SOX6: variants seen among roughly 807,000 people sequenced by gnomAD.
The protein encoded by SOX6 is transcription factor SOX-6.
A neutral mutation model predicts 97.8 loss-of-function variants in SOX6; 11 were observed. That is an observed-to-expected ratio of 0.11 (90% confidence interval 0.07 to 0.19). The LOEUF (loss-of-function observed/expected upper bound fraction) is 0.19, where lower values mean the gene tolerates loss of function less well. SOX6 is among the 10% of genes least tolerant of loss of function. The pLI, the probability that SOX6 is intolerant of heterozygous loss-of-function variation, is 1.00. For synonymous variants in SOX6, 360 were observed against 371.4 expected (o/e 0.97, Z 0.35); for missense variants, 810 against 1,039.5 (o/e 0.78, Z 3.04).
At chr11:16,104,649 T>TAC (rs146505312) in intron 7 of SOX6, among the ~76,000 whole-genome samples, 98 of 149,832 alleles carry the variant, frequency 6.5e-4, no homozygotes, top group South Asian at 1.3e-3. Flanking sequence ...ATTACACACA[T>TAC]ACACACACAC....
intron 13 of SOX6, among the ~76,000 whole-genome samples, chr11:16,011,867 G>A (rs1213841620): frequency 5.3e-5 from 8 of 152,152 alleles, no homozygotes; most frequent in East Asian, 1.9e-4. Flanking sequence ...AACTCAGCCC[G>A]GCTAAGGAGC....
At chr11:16,016,271 T>C (rs1446137247) in intron 12 of SOX6, among the ~76,000 whole-genome samples, 3 of 152,072 alleles carry the variant, frequency 2.0e-5, no homozygotes, top group African/African-American at 7.2e-5. Flanking sequence ...TTCCCATCAG[T>C]CAAATTGTGC....
chr11:16,581,500 G>C (rs1373388287), intron 4 of SOX6, among the ~76,000 whole-genome samples: 1 of 152,128 alleles, frequency 6.6e-6, no homozygotes, highest in African/African-American at 2.4e-5. Flanking sequence ...TGCATGAAGG[G>C]CTTAAAACCT....
At chr11:16,147,680 C>T (rs1056890210) in intron 6 of SOX6, among the ~76,000 whole-genome samples, 1 of 152,012 alleles carries the variant, frequency 6.6e-6, no homozygotes, top group South Asian at 2.1e-4. Flanking sequence ...AAATGAACAC[C>T]GAAATTTCCT....
intron 4 of SOX6, among the ~76,000 whole-genome samples, chr11:16,485,686 T>C (rs929858560): frequency 4.0e-5 from 6 of 148,980 alleles, no homozygotes; most frequent in African/African-American, 1.5e-4. Flanking sequence ...AGCCGAGATC[T>C]TGCCACTGCA....
chr11:16,276,415 A>G (rs566725735), intron 3 of SOX6, among the ~76,000 whole-genome samples: 1 of 152,186 alleles, frequency 6.6e-6, no homozygotes, highest in Non-Finnish European at 1.5e-5. Context: ...AAACATTTGC[A>G]TTACTAGTCT....
At chr11:16,019,406 G>A (rs1241300439) in intron 12 of SOX6, among the ~76,000 whole-genome samples, 5 of 151,984 alleles carry the variant, frequency 3.3e-5, no homozygotes, top group South Asian at 2.1e-4. Flanking sequence ...GATCATTCAC[G>A]GCAGCCATGG....
chr11:16,386,989 C>T (rs557819491), intron 1 of SOX6, among the ~76,000 whole-genome samples: 7 of 152,202 alleles, frequency 4.6e-5, no homozygotes, highest in South Asian at 2.1e-4. Context: ...AGGTAAAAGG[C>T]ATTCATTAAT....
chr11:16,000,384 G>A (rs578070655), intron 13 of SOX6, among the ~76,000 whole-genome samples: 3 of 152,270 alleles, frequency 2.0e-5, no homozygotes, highest in South Asian at 4.1e-4. Context: ...TTACCTAGAT[G>A]TATTAGCAAA....
intron 10 of SOX6, among the ~76,000 whole-genome samples, chr11:16,053,466 G>T (rs79552670): frequency 0.012 from 1,838 of 152,092 alleles, 36 homozygotes; most frequent in African/African-American, 0.041. Flanking sequence ...ATGACCAGCA[G>T]CAGCATCACT....
intron 6 of SOX6, among the ~76,000 whole-genome samples, chr11:16,114,189 G>T (rs190538079): frequency 6.6e-5 from 10 of 152,176 alleles, no homozygotes; most frequent in African/African-American, 2.4e-4. Flanking sequence ...ACATTAATAC[G>T]ATAGTGTGAT....
chr11:16,637,976 A>AT (rs1352544184), intron 3 of SOX6, among the ~76,000 whole-genome samples: 1 of 148,542 alleles, frequency 6.7e-6, no homozygotes, highest in Non-Finnish European at 1.5e-5. Context: ...GGTTTCTTGC[A>AT]TATGTATACA....
chr11:16,103,657 G>GTATA (rs966897485), intron 7 of SOX6, among the ~76,000 whole-genome samples: 2 of 150,292 alleles, frequency 1.3e-5, no homozygotes, highest in Non-Finnish European at 3.0e-5. Context: ...AGAAAATGTG[G>GTATA]TATATATATA....
At chr11:16,402,029 T>G (rs1395168851) in intron 1 of SOX6, among the ~76,000 whole-genome samples, 1 of 151,616 alleles carries the variant, frequency 6.6e-6, no homozygotes, top group Non-Finnish European at 1.5e-5. Flanking sequence ...TGTTTTAATA[T>G]TGATATGGAA....
chr11:16,614,706 G>T (rs1450933347), intron 3 of SOX6, among the ~76,000 whole-genome samples: 2 of 152,126 alleles, frequency 1.3e-5, no homozygotes, highest in African/African-American at 4.8e-5. Flanking sequence ...CAAGGCTTGG[G>T]GACATCTGCA....
chr11:16,223,552 T>C (rs750630637), intron 4 of SOX6, among the ~76,000 whole-genome samples: 5 of 152,270 alleles, frequency 3.3e-5, no homozygotes, highest in Non-Finnish European at 5.9e-5. Flanking sequence ...GATGTAGATA[T>C]AGATGTTAAT....
intron 9 of SOX6, among the ~76,000 whole-genome samples, chr11:16,068,507 T>C (rs1426505309): frequency 6.6e-6 from 1 of 152,204 alleles, no homozygotes; most frequent in East Asian, 1.9e-4. Context: ...ATAGCTGTGA[T>C]TTTATGGAAA....
At chr11:16,309,884 A>C (rs1472784154) in intron 3 of SOX6, among the ~76,000 whole-genome samples, 2 of 152,072 alleles carry the variant, frequency 1.3e-5, no homozygotes, top group African/African-American at 4.8e-5. Flanking sequence ...GATCCACTCA[A>C]CCTCCACAAG....
At chr11:16,358,222 A>G (rs1857120838), upstream of SOX6, among the ~76,000 whole-genome samples, 1 of 152,212 alleles carries the variant, frequency 6.6e-6, no homozygotes, top group African/African-American at 2.4e-5. Context: ...AGTCCTGATA[A>G]ACCATTAAAC....
Sources: allele counts gnomAD v4.1 joint callset (sites outside exome capture counted in the v4.1 genomes callset), GRCh38; gene constraint gnomAD v4.1.1; transcripts MANE v1.5; gene names NCBI Gene and HGNC (gene_info 2026-07-23, HGNC 2026-07-21).